Variants in RORA observed in about 807,000 individuals in gnomAD.
The protein encoded by RORA is RAR related orphan receptor A.
RORA carries 7 observed loss-of-function variants against 69.5 expected under a neutral mutation model. That is an observed-to-expected ratio of 0.10 (90% CI 0.06 to 0.19). The LOEUF (loss-of-function observed/expected upper bound fraction) is 0.19. Among genes scored for constraint, RORA ranks in the 10% least tolerant of loss-of-function variants. The probability of loss-of-function intolerance (pLI) is 1.00; values close to 1 mark genes in which losing one functional copy is unlikely to be tolerated. For synonymous variants in RORA, 261 were observed against 240.8 expected, an observed-to-expected ratio of 1.08 and a Z score of -0.78; for missense variants, 457 against 663.0, an observed-to-expected ratio of 0.69 and a Z score of 3.41.
At chr15:61,173,215 A>T (rs1214900302) in intron 1 of RORA, among the ~76,000 whole-genome samples, 1 of 152,174 alleles carries the variant, frequency 6.6e-6, no homozygotes, top group Non-Finnish European at 1.5e-5. Context: ...GGAAAACTGG[A>T]TCACAGCAGT....
At chr15:60,866,751 C>T (rs757363952) in intron 1 of RORA, among the ~76,000 whole-genome samples, 3 of 152,166 alleles carry the variant, frequency 2.0e-5, no homozygotes, top group Non-Finnish European at 4.4e-5. Context: ...GGGAGGGTGG[C>T]ATGCCCATCC....
chr15:61,119,729 G>A (rs943538384), intron 1 of RORA, among the ~76,000 whole-genome samples: 3 of 152,194 alleles, frequency 2.0e-5, no homozygotes, highest in Non-Finnish European at 4.4e-5. Context: ...TCTTGTGGAT[G>A]AGGCAAATGG....
intron 1 of RORA, among the ~76,000 whole-genome samples, chr15:60,893,738 A>C (rs1891145780): frequency 6.6e-6 from 1 of 152,194 alleles, no homozygotes; most frequent in African/African-American, 2.4e-5. Context: ...TGTACAAGGG[A>C]AAGGGCAGTG....
chr15:60,671,794 T>C (rs2070477629), intron 2 of RORA, among the ~76,000 whole-genome samples: 1 of 151,762 alleles, frequency 6.6e-6, no homozygotes, highest in East Asian at 2.0e-4. Flanking sequence ...GTATTTTTAG[T>C]AGCGATGGAG....
chr15:61,206,327 A>C (rs940266411), intron 1 of RORA, among the ~76,000 whole-genome samples: 2 of 152,184 alleles, frequency 1.3e-5, no homozygotes, highest in Non-Finnish European at 2.9e-5. Flanking sequence ...TATTGTGAAC[A>C]CTAGCATATT....
At chr15:60,985,160 G>A (rs56241206) in intron 1 of RORA, among the ~76,000 whole-genome samples, 32 of 152,218 alleles carry the variant, frequency 2.1e-4, no homozygotes, top group African/African-American at 7.5e-4. Context: ...TTCTCCTAAG[G>A]TTTGTATCTT....
chr15:60,771,205 CT>C (rs1770549742), intron 1 of RORA, among the ~76,000 whole-genome samples: 1 of 151,712 alleles, frequency 6.6e-6, no homozygotes, highest in Admixed American at 6.5e-5. Flanking sequence ...CTCCATTCCA[CT>C]GAGTTTGAGT....
chr15:60,782,057 T>G (rs2072269659), intron 1 of RORA, among the ~76,000 whole-genome samples: 1 of 152,196 alleles, frequency 6.6e-6, no homozygotes, highest in Non-Finnish European at 1.5e-5. Flanking sequence ...AAACCCCGTC[T>G]CTACTAAAAA....
chr15:60,776,985 T>C (rs1303757280), intron 1 of RORA, among the ~76,000 whole-genome samples: 1 of 152,194 alleles, frequency 6.6e-6, no homozygotes, highest in African/African-American at 2.4e-5. Flanking sequence ...ACATGAGTAT[T>C]TGTCTGTTTA....
At chr15:61,225,209 C>T (rs2140951841) in intron 1 of RORA, among the ~76,000 whole-genome samples, 1 of 151,824 alleles carries the variant, frequency 6.6e-6, no homozygotes, top group East Asian at 1.9e-4. Flanking sequence ...AATTAAAGTC[C>T]TTTAGTTTAA....
chr15:60,960,222 T>C (rs1035848100), intron 1 of RORA, among the ~76,000 whole-genome samples: 1 of 152,210 alleles, frequency 6.6e-6, no homozygotes, highest in Non-Finnish European at 1.5e-5. Context: ...CATAGAGACA[T>C]GTTAAAGAAG....
intron 1 of RORA, among the ~76,000 whole-genome samples, chr15:61,144,366 C>T (rs1373897361): frequency 1.3e-5 from 2 of 152,096 alleles, no homozygotes; most frequent in Admixed American, 6.5e-5. Flanking sequence ...TAGGGTATTC[C>T]GAGGAAAGGG....
chr15:60,965,934 C>T (rs140393694), intron 1 of RORA, among the ~76,000 whole-genome samples: 215 of 152,228 alleles, frequency 1.4e-3, no homozygotes, highest in African/African-American at 4.6e-3. Context: ...CTAAGGCTAC[C>T]GTAATAGAGT....
At chr15:60,652,185 C>G (rs1273725814) in intron 2 of RORA, among the ~76,000 whole-genome samples, 2 of 151,884 alleles carry the variant, frequency 1.3e-5, no homozygotes, top group Non-Finnish European at 2.9e-5. Context: ...TTCTGGCAGA[C>G]CTTGATTTAA....
chr15:60,741,511 G>C (rs1228038482), intron 1 of RORA, among the ~76,000 whole-genome samples: 1 of 152,196 alleles, frequency 6.6e-6, no homozygotes, highest in African/African-American at 2.4e-5. Flanking sequence ...TAAAGCAGAG[G>C]ATAGGGTCAG....
intron 1 of RORA, among the ~76,000 whole-genome samples, chr15:60,932,803 C>A (rs138067733): frequency 6.6e-6 from 1 of 152,166 alleles, no homozygotes; most frequent in African/African-American, 2.4e-5. Flanking sequence ...GCATGTGACA[C>A]TGAGGACCTC....
At chr15:60,876,349 G>A (rs1439135553) in intron 1 of RORA, among the ~76,000 whole-genome samples, 1 of 137,950 alleles carries the variant, frequency 7.2e-6, no homozygotes, top group Non-Finnish European at 1.5e-5. Context: ...CACCACACTT[G>A]TTGGAGGCAC....
chr15:60,752,149 G>A (rs1382201847), intron 1 of RORA, among the ~76,000 whole-genome samples: 1 of 152,098 alleles, frequency 6.6e-6, no homozygotes, highest in African/African-American at 2.4e-5. Context: ...AAAGAAGAGA[G>A]AGGGCAGACA....
intron 1 of RORA, among the ~76,000 whole-genome samples, chr15:60,696,521 C>A (rs890107442): frequency 6.6e-6 from 1 of 152,130 alleles, no homozygotes; most frequent in Non-Finnish European, 1.5e-5. Context: ...AGTTTTAAAG[C>A]CTTTCCACTC....
Sources: allele counts gnomAD v4.1 joint callset (sites outside exome capture counted in the v4.1 genomes callset), GRCh38; gene constraint gnomAD v4.1.1; transcripts MANE v1.5; gene names NCBI Gene and HGNC (gene_info 2026-07-23, HGNC 2026-07-21).